LOC128462377: variants seen among roughly 807,000 people sequenced by gnomAD.
At chr16:89,401,971 A>G in the LOC128462377 span, among the ~76,000 whole-genome samples, 856 of 146,368 alleles carry the variant, frequency 5.8e-3, 11 homozygotes, top group African/African-American at 0.02. Context: ...CGCAGAAGGA[A>G]CCGGCCCTGC....
chr16:89,405,911 A>T, the LOC128462377 span, among the ~76,000 whole-genome samples: 1 of 152,080 alleles, frequency 6.6e-6, no homozygotes, highest in East Asian at 1.9e-4. Context: ...GGAGTTCGAG[A>T]GCAGTCTGGC....
chr16:89,373,767 T>TC, the LOC128462377 span, among the ~76,000 whole-genome samples: 1 of 152,122 alleles, frequency 6.6e-6, no homozygotes, highest in East Asian at 1.9e-4. Context: ...CTACCTGGGA[T>TC]CCCCCAAGAA....
chr16:89,329,994 C>CT, the LOC128462377 span, among the ~76,000 whole-genome samples: 2 of 73,468 alleles, frequency 2.7e-5, no homozygotes, highest in East Asian at 7.5e-4. Flanking sequence ...GACCTTGTCT[C>CT]AAAAATAAAA....
At chr16:89,351,552 G>A in the LOC128462377 span, among the ~76,000 whole-genome samples, 2 of 152,124 alleles carry the variant, frequency 1.3e-5, no homozygotes, top group Non-Finnish European at 1.5e-5. Flanking sequence ...ACAGACTCTC[G>A]GGCAGGTCTG....
chr16:89,405,471 C>T, the LOC128462377 span, among the ~76,000 whole-genome samples: 2 of 150,598 alleles, frequency 1.3e-5, no homozygotes, highest in African/African-American at 2.4e-5. Context: ...ACTACAGGCA[C>T]GTGCCACCAC....
the LOC128462377 span, among the ~76,000 whole-genome samples, chr16:89,384,879 CTTTTTTTTTTTTT>C: frequency 3.0e-3 from 150 of 49,948 alleles, 3 homozygotes; most frequent in East Asian, 0.032. Flanking sequence ...AAATAGTTTT[CTTTTTTTTTTTTT>C]TTTTTTTTTT....
the LOC128462377 span, among the ~76,000 whole-genome samples, chr16:89,363,023 G>A: frequency 7.9e-5 from 12 of 151,692 alleles, no homozygotes; most frequent in South Asian, 2.1e-4. Context: ...GTGTACTCTC[G>A]TGGCAAAACT....
the LOC128462377 span, among the ~76,000 whole-genome samples, chr16:89,415,263 T>A: frequency 3.6e-5 from 1 of 27,834 alleles, no homozygotes. Flanking sequence ...CAGCTATTCT[T>A]TTTTTTTTTT....
the LOC128462377 span, among the ~76,000 whole-genome samples, chr16:89,382,674 C>A: frequency 6.6e-6 from 1 of 151,402 alleles, no homozygotes; most frequent in Non-Finnish European, 1.5e-5. Context: ...TAGATGGGGT[C>A]TCACTATGTT....
the LOC128462377 span, among the ~76,000 whole-genome samples, chr16:89,375,185 C>A: frequency 6.6e-6 from 1 of 152,058 alleles, no homozygotes; most frequent in Non-Finnish European, 1.5e-5. Flanking sequence ...CCTGTGCTAC[C>A]GCGGTGAGCT....
chr16:89,371,564 GCAGGAAGGTC>G, the LOC128462377 span, among the ~76,000 whole-genome samples: 1 of 152,186 alleles, frequency 6.6e-6, no homozygotes, highest in Non-Finnish European at 1.5e-5. Flanking sequence ...CCGCCATGCT[GCAGGAAGGTC>G]CAGGCAGGCG....
At chr16:89,326,430 A>G in the LOC128462377 span, among the ~76,000 whole-genome samples, 4 of 145,472 alleles carry the variant, frequency 2.7e-5, no homozygotes, top group African/African-American at 1.0e-4. Context: ...CCACCCACCC[A>G]CTGCTCAATC....
chr16:89,401,785 G>A, the LOC128462377 span, among the ~76,000 whole-genome samples: 7 of 152,142 alleles, frequency 4.6e-5, no homozygotes, highest in Non-Finnish European at 7.4e-5. Context: ...AGCTGTGCAC[G>A]CAGGGAGAAC....
the LOC128462377 span, among the ~76,000 whole-genome samples, chr16:89,363,823 G>C: frequency 6.6e-6 from 1 of 152,100 alleles, no homozygotes; most frequent in African/African-American, 2.4e-5. Context: ...AGGAGGCTGC[G>C]GCAAGGAGGA....
At chr16:89,382,670 G>T in the LOC128462377 span, among the ~76,000 whole-genome samples, 1 of 150,596 alleles carries the variant, frequency 6.6e-6, no homozygotes, top group Non-Finnish European at 1.5e-5. Flanking sequence ...CCAGTAGATG[G>T]GGTCTCACTA....
At chr16:89,389,558 G>A in the LOC128462377 span, among the ~76,000 whole-genome samples, 1 of 152,166 alleles carries the variant, frequency 6.6e-6, no homozygotes, top group Admixed American at 6.5e-5. Context: ...ACACTGGAAT[G>A]AACCTCTAGA....
At chr16:89,365,954 C>T in the LOC128462377 span, among the ~76,000 whole-genome samples, 49 of 152,020 alleles carry the variant, frequency 3.2e-4, no homozygotes, top group African/African-American at 9.7e-4. Flanking sequence ...AGTGACAACA[C>T]GCAGTATTTG....
chr16:89,344,447 C>CA, the LOC128462377 span, among the ~76,000 whole-genome samples: 12 of 152,212 alleles, frequency 7.9e-5, no homozygotes, highest in Admixed American at 2.0e-4. Flanking sequence ...GCTGTCCACA[C>CA]ACTCCTAGAA....
chr16:89,405,400 C>T, the LOC128462377 span, among the ~76,000 whole-genome samples: 2 of 151,836 alleles, frequency 1.3e-5, no homozygotes, highest in Non-Finnish European at 2.9e-5. Flanking sequence ...ATGAGCTCAC[C>T]GTAGCCTCGA....
Sources: allele counts gnomAD v4.1 joint callset (sites outside exome capture counted in the v4.1 genomes callset), GRCh38; gene constraint gnomAD v4.1.1; transcripts MANE v1.5.